The following ANP32B variants were observed in gnomAD, a reference collection of about 807,000 sequenced individuals.
The protein encoded by ANP32B is acidic leucine-rich nuclear phosphoprotein 32 family member B.
ANP32B carries 6 observed loss-of-function variants against 32.2 expected under a neutral mutation model. That is an observed-to-expected ratio of 0.19 (90% CI 0.10 to 0.37). ANP32B has a LOEUF of 0.37. Among genes scored for constraint, ANP32B ranks in the 10% least tolerant of loss-of-function variants. The pLI, the probability that ANP32B is intolerant of heterozygous loss-of-function variation, is 1.00. For synonymous variants in ANP32B, 98 were observed against 105.8 expected, an observed-to-expected ratio of 0.93 and a Z score of 0.45; for missense variants, 204 against 289.2, an observed-to-expected ratio of 0.71 and a Z score of 2.14.
chr9:98,004,937 G>C (rs374468036), intron 3 of ANP32B, 27 bp from the exon 4 acceptor site: 1 of 1,576,824 alleles, frequency 6.3e-7, no homozygotes, highest in Non-Finnish European at 8.6e-7. Flanking sequence ...TGGTTTAGGA[G>C]TTGTGGTTTT....
chr9:97,994,902 T>G, intron 2 of ANP32B, 122 bp downstream of exon 2: 1 of 944,470 alleles, frequency 1.1e-6, no homozygotes, highest in South Asian at 2.0e-5. Flanking sequence ...TGGGCAGATA[T>G]GGGATTGAAT....
At chr9:98,014,174 G>A (rs927541844) in intron 6 of ANP32B, among the ~76,000 whole-genome samples, 3 of 152,118 alleles carry the variant, frequency 2.0e-5, no homozygotes, top group Non-Finnish European at 2.9e-5. Flanking sequence ...TTGGGAGGCC[G>A]AGGCGGGTGG....
chr9:97,984,536 G>C (rs1301321340), intron 1 of ANP32B: 1 of 150,158 alleles, frequency 6.7e-6, no homozygotes, highest in African/African-American at 2.4e-5. Flanking sequence ...GGCGGGCGGC[G>C]GCTCTTCACG....
At chr9:97,987,173 C>T (rs919183510) in intron 1 of ANP32B, among the ~76,000 whole-genome samples, 2 of 152,104 alleles carry the variant, frequency 1.3e-5, no homozygotes, top group Non-Finnish European at 1.5e-5. Flanking sequence ...TAAAGAAATA[C>T]AGAATTTTAT....
At chr9:98,013,490 A>T (rs943145533) in intron 6 of ANP32B, among the ~76,000 whole-genome samples, 1 of 152,182 alleles carries the variant, frequency 6.6e-6, no homozygotes, top group Non-Finnish European at 1.5e-5. Flanking sequence ...CAGTTTTGTC[A>T]GTGTTAGTCC....
intron 1 of ANP32B, among the ~76,000 whole-genome samples, chr9:97,985,754 G>A (rs1036465997): frequency 2.6e-5 from 4 of 152,210 alleles, no homozygotes; most frequent in African/African-American, 9.7e-5. Context: ...CTTAGAGGAT[G>A]TTTTCATATA....
intron 3 of ANP32B, among the ~76,000 whole-genome samples, chr9:98,003,816 G>A (rs1003985402): frequency 4.6e-5 from 7 of 152,258 alleles, no homozygotes; most frequent in African/African-American, 1.7e-4. Context: ...AGAGAATACC[G>A]AAGTTTTTCT....
At chr9:98,010,398 C>A (rs978123972) in intron 4 of ANP32B, among the ~76,000 whole-genome samples, 7 of 151,448 alleles carry the variant, frequency 4.6e-5, no homozygotes, top group African/African-American at 1.7e-4. Flanking sequence ...GCCTGGGCAA[C>A]ATAGACAAAC....
At chr9:98,008,913 T>G (rs189299741) in intron 4 of ANP32B, among the ~76,000 whole-genome samples, 2 of 152,328 alleles carry the variant, frequency 1.3e-5, no homozygotes, top group African/African-American at 4.8e-5. Flanking sequence ...GGAAACATTG[T>G]CTTCCACAAA....
intron 3 of ANP32B, among the ~76,000 whole-genome samples, chr9:98,004,504 T>C (rs771141766): frequency 2.7e-4 from 41 of 152,180 alleles, no homozygotes; most frequent in Non-Finnish European, 5.0e-4. Flanking sequence ...CTAACTAAAA[T>C]TGTAAGCACC....
intron 2 of ANP32B, among the ~76,000 whole-genome samples, chr9:97,996,594 T>G (rs989717301): frequency 2.6e-5 from 4 of 152,140 alleles, no homozygotes; most frequent in Non-Finnish European, 5.9e-5. Flanking sequence ...AAATTGGTTT[T>G]GTTTTGTTTT....
At position 98,010,273 on chromosome 9, in the gene ANP32B, T is replaced by G. The variant is rs529930305; in HGVS notation, c.518-998T>G. ...TACAGAGAAATGGTGTTTTTTTTTT[T>G]TTGTTTTTTTTTTTTAAATCATAAA... On this transcript the variant is annotated intron_variant, in intron 4 of 6. Transcript: ENST00000339399. Among the ~76,000 whole-genome samples the G allele has an allele frequency of 5.8e-3, 873 of 150,896 alleles. 9 individuals are homozygous for G. The highest frequency in any genetic ancestry group is 0.02 in the African/African-American group (819 of 41,152).
At chr9:97,994,275 A>G (rs1335750293) in intron 1 of ANP32B, among the ~76,000 whole-genome samples, 1 of 152,220 alleles carries the variant, frequency 6.6e-6, no homozygotes, top group African/African-American at 2.4e-5. Context: ...GAGTGTCTTC[A>G]TTCTGCATTT....
chr9:97,998,413 T>G, intron 2 of ANP32B, 143 bp from the exon 3 acceptor site: 1 of 822,472 alleles, frequency 1.2e-6, no homozygotes, highest in Non-Finnish European at 1.7e-6. Flanking sequence ...TTAAACAAAA[T>G]GAACATGCAT....
chr9:97,995,913 A>G (rs1827895970), intron 2 of ANP32B, among the ~76,000 whole-genome samples: 1 of 150,168 alleles, frequency 6.7e-6, no homozygotes, highest in African/African-American at 2.5e-5. Context: ...GCGACAGAGC[A>G]AGACTCTGTC....
intron 1 of ANP32B, among the ~76,000 whole-genome samples, chr9:97,990,814 C>CTTTTTTTTTT (rs34489949): frequency 2.0e-5 from 2 of 98,868 alleles, no homozygotes; most frequent in Non-Finnish European, 1.9e-5. Flanking sequence ...ACAGTTGAAC[C>CTTTTTTTTTT]TTTTTTTTTT....
intron 4 of ANP32B, among the ~76,000 whole-genome samples, chr9:98,008,713 GTC>G (rs1279569869): frequency 6.6e-6 from 1 of 152,170 alleles, no homozygotes; most frequent in African/African-American, 2.4e-5. Context: ...GAATGTCACT[GTC>G]TCTCATTGCC....
intron 1 of ANP32B, among the ~76,000 whole-genome samples, chr9:97,985,961 A>G (rs1827724682): frequency 6.6e-6 from 1 of 152,158 alleles, no homozygotes; most frequent in Admixed American, 6.5e-5. Context: ...AGCTGGGATT[A>G]CAGGCATGCG....
Position 98,012,369 on chromosome 9 carries a change from CT to C in ANP32B, c.637-48del, listed in dbSNP as rs1480050862. On this transcript the variant is annotated intron_variant, in intron 5 of 6. Transcript: ENST00000339399. The stretch of plus-strand genomic sequence containing the variant: ...TTTGGCAGAATTTGTACTATATGCA[CT>C]TTTCAATTTGGCAGAATTAATTTAA... 4 of 1,592,692 alleles carry C rather than the reference CT, an allele frequency of 2.5e-6. No homozygotes were observed. The East Asian group carries it at 6.7e-5, about 27-fold the overall frequency.
Sources: gnomAD v4.1 joint callset for allele counts (sites outside exome capture counted in the v4.1 genomes callset) on GRCh38, gnomAD v4.1.1 for gene constraint, MANE v1.5 for transcripts, NCBI Gene and HGNC (gene_info 2026-07-23, HGNC 2026-07-21) for gene names.